Variants in ACSS3 observed in about 807,000 individuals in gnomAD.
The protein encoded by ACSS3 is acyl-CoA synthetase short chain family member 3, also known as acyl-CoA synthetase short-chain family member 3, mitochondrial.
ACSS3 carries 64 observed loss-of-function variants against 84.2 expected under a neutral mutation model. The ratio of observed to expected loss-of-function variants is 0.76; its 90% CI spans 0.62 to 0.94. The LOEUF (loss-of-function observed/expected upper bound fraction) is 0.94, where lower values mean the gene tolerates loss of function less well. ACSS3 is among the 40% of genes least tolerant of loss of function. The pLI, the probability that ACSS3 is intolerant of heterozygous loss-of-function variation, is 0.00. For synonymous variants in ACSS3, 317 were observed against 310.1 expected, an observed-to-expected ratio of 1.02 and a Z score of -0.23; for missense variants, 815 against 867.6, an observed-to-expected ratio of 0.94 and a Z score of 0.76.
At chr12:81,125,227 A>G (rs76207908) in intron 2 of ACSS3, among the ~76,000 whole-genome samples, 7,228 of 151,942 alleles carry the variant, frequency 0.048, 446 homozygotes, top group African/African-American at 0.14. Context: ...AAAAAAAAAC[A>G]AAACAAAACA....
chr12:81,124,906 T>C (rs1276362815), intron 2 of ACSS3, among the ~76,000 whole-genome samples: 5 of 152,214 alleles, frequency 3.3e-5, no homozygotes, highest in African/African-American at 1.2e-4. Context: ...CACTGCTGGC[T>C]CTTTCTCTTA....
intron 1 of ACSS3, among the ~76,000 whole-genome samples, chr12:81,088,764 T>G (rs1881483541): frequency 6.6e-6 from 1 of 152,036 alleles, no homozygotes; most frequent in Non-Finnish European, 1.5e-5. Flanking sequence ...CAATTAATTT[T>G]AGATTTTTAA....
intron 1 of ACSS3, among the ~76,000 whole-genome samples, chr12:81,086,320 G>A (rs1305595822): frequency 1.3e-5 from 2 of 152,132 alleles, no homozygotes; most frequent in Non-Finnish European, 2.9e-5. Context: ...TGCTTGGCAT[G>A]AAAAATTGCC....
rs1271650617 is a variant in ACSS3 at position 81,246,262 on chromosome 12, G to A, written c.1720-7045G>A. ...ATTTACTTGGTGTAAGGTGTGGAGA[G>A]GTAACAAATTTTCTGCAGCTCTGTA... On this transcript the variant is annotated intron_variant, in intron 13 of 15. Coordinates refer to ENST00000548058, the MANE Select transcript of ACSS3 (RefSeq NM_024560.4). Among the ~76,000 whole-genome samples the A allele has an allele frequency of 4.6e-5, 7 of 152,214 alleles. 1 individual carries two copies. The South Asian group carries it at 6.2e-4, about 14-fold the overall frequency.
chr12:81,145,449 CCTT>C (rs1328739065), intron 5 of ACSS3, among the ~76,000 whole-genome samples: 2 of 152,044 alleles, frequency 1.3e-5, no homozygotes, highest in Non-Finnish European at 2.9e-5. Context: ...AAAGTACAGT[CCTT>C]CTAGTCTAGT....
chr12:81,226,243 A>C (rs970048385), intron 11 of ACSS3, among the ~76,000 whole-genome samples: 11 of 151,904 alleles, frequency 7.2e-5, no homozygotes, highest in Non-Finnish European at 1.6e-4. Context: ...GTCATTATTA[A>C]AACTGTATTC....
chr12:81,157,507 T>C (rs1886934440), intron 7 of ACSS3, among the ~76,000 whole-genome samples: 1 of 152,116 alleles, frequency 6.6e-6, no homozygotes, highest in Non-Finnish European at 1.5e-5. Flanking sequence ...TCTAGCTCAT[T>C]TAATAAAGAA....
At chr12:81,109,320 G>T (rs1883366284) in intron 1 of ACSS3, among the ~76,000 whole-genome samples, 2 of 152,106 alleles carry the variant, frequency 1.3e-5, no homozygotes, top group Admixed American at 1.3e-4. Context: ...TCGCCAGCTG[G>T]AAGTGTGAGG....
chr12:81,249,349 C>G (rs539028285), intron 13 of ACSS3, among the ~76,000 whole-genome samples: 50 of 152,168 alleles, frequency 3.3e-4, no homozygotes, highest in African/African-American at 1.2e-3. Context: ...TCTAATTTCA[C>G]TCTTTCACTT....
chr12:81,098,151 A>AGAGAGAGT (rs369995298), intron 1 of ACSS3, among the ~76,000 whole-genome samples: 20 of 129,316 alleles, frequency 1.5e-4, no homozygotes, highest in African/African-American at 3.0e-4. Context: ...AGAGAGAGAG[A>AGAGAGAGT]GTGTGTGTGT....
intron 1 of ACSS3, among the ~76,000 whole-genome samples, chr12:81,094,038 A>T (rs907036961): frequency 6.6e-6 from 1 of 152,136 alleles, no homozygotes; most frequent in South Asian, 2.1e-4. Context: ...GGGTGAATAT[A>T]TAAATATTTC....
At chr12:81,198,650 A>C (rs764760351) in intron 8 of ACSS3, among the ~76,000 whole-genome samples, 1 of 151,204 alleles carries the variant, frequency 6.6e-6, no homozygotes, top group South Asian at 2.1e-4. Context: ...TGGGGTCAAC[A>C]CAATTGTATT....
intron 7 of ACSS3, among the ~76,000 whole-genome samples, chr12:81,169,000 A>G (rs1887531268): frequency 1.3e-5 from 2 of 152,340 alleles, no homozygotes; most frequent in Admixed American, 6.5e-5. Context: ...AATAACTAAA[A>G]CACAACAGTG....
chr12:81,259,369 G>A lies in ACSS3; in HGVS notation c.*4447G>A, dbSNP rs896018190. 1 of 597,858 alleles carries A rather than the reference G, an allele frequency of 1.7e-6. No homozygotes were observed. The highest frequency in any genetic ancestry group is 1.6e-5 in the South Asian group (1 of 61,932). 37.0% of individuals were successfully genotyped at this position (597,858 alleles called of 1,614,324 possible). A position where few individuals can be genotyped will look rare whatever the true frequency, so the allele number is the denominator to read the frequency against. Reference sequence around the variant, plus strand: ...ATGCACGGTAATACATAAATGCCTAGTATATTACAATAAAACATGAAAAAC... The same window carrying A: ...ATGCACGGTAATACATAAATGCCTAATATATTACAATAAAACATGAAAAAC... On this transcript the variant is annotated 3_prime_UTR_variant, in exon 16 of 16. Coordinates refer to ENST00000548058, the MANE Select transcript of ACSS3 (RefSeq NM_024560.4).
chr12:81,224,571 CACAT>C (rs61610791), intron 11 of ACSS3, among the ~76,000 whole-genome samples: 5,387 of 92,226 alleles, frequency 0.058, 143 homozygotes, highest in African/African-American at 0.092. Context: ...TACACACACA[CACAT>C]GTGTGTGTGT....
chr12:81,141,942 C>G (rs1012701298), intron 4 of ACSS3, among the ~76,000 whole-genome samples: 2 of 152,114 alleles, frequency 1.3e-5, no homozygotes, highest in African/African-American at 2.4e-5. Flanking sequence ...AATGTGTTAG[C>G]TATAAATGTG....
Position 81,255,015 on chromosome 12 carries a change from A to T in ACSS3, c.*93A>T. On this transcript the variant is annotated 3_prime_UTR_variant, in exon 16 of 16. Coordinates refer to ENST00000548058, the MANE Select transcript of ACSS3 (RefSeq NM_024560.4). ...TTCTCAGAAATAAATATTTCAGTAGAAATTACTTGCAAAATGAAATGTGAA... is the reference window on the plus strand; with the variant it reads ...TTCTCAGAAATAAATATTTCAGTAGTAATTACTTGCAAAATGAAATGTGAA... The T allele has an allele frequency of 8.7e-7, 1 of 1,154,530 alleles. No individual in the cohort carries two copies. Among genetic ancestry groups the T allele is most frequent in the African/African-American group, 1.6e-5 (1 of 62,770 alleles). 71.5% of individuals were successfully genotyped at this position (1,154,530 alleles called of 1,614,324 possible). A position where few individuals can be genotyped will look rare whatever the true frequency, so the allele number is the denominator to read the frequency against.
chr12:81,253,193 C>A, intron 13 of ACSS3, 114 bp from the exon 14 acceptor site: 1 of 1,162,932 alleles, frequency 8.6e-7, no homozygotes, highest in Admixed American at 2.2e-5. Context: ...GCACTTTTTT[C>A]CCCAACTGAA....
At chr12:81,153,514 A>C (rs1458168443) in intron 7 of ACSS3, among the ~76,000 whole-genome samples, 3 of 152,154 alleles carry the variant, frequency 2.0e-5, no homozygotes, top group African/African-American at 4.8e-5. Context: ...AAGTTGCTAC[A>C]TATAAATTAT....
Sources: gnomAD v4.1 joint callset for allele counts (sites outside exome capture counted in the v4.1 genomes callset) on GRCh38, gnomAD v4.1.1 for gene constraint, MANE v1.5 for transcripts, NCBI Gene and HGNC (gene_info 2026-07-23, HGNC 2026-07-21) for gene names.